The following CSMD1 variants were observed in gnomAD, a reference collection of about 807,000 sequenced individuals.
The protein encoded by CSMD1 is CUB and sushi domain-containing protein 1.
A neutral mutation model predicts 417.5 loss-of-function variants in CSMD1; 213 were observed. The ratio of observed to expected loss-of-function variants is 0.51; its 90% CI spans 0.46 to 0.57. The LOEUF (loss-of-function observed/expected upper bound fraction) is 0.57, where lower values mean the gene tolerates loss of function less well. Ranked by LOEUF, CSMD1 falls within the 20% of genes least tolerant of loss-of-function variation. CSMD1 has a pLI of 0.00. For synonymous variants in CSMD1, 2,862 were observed against 1,736.8 expected (o/e 1.65, Z -16.11); for missense variants, 6,923 against 4,529.7 (o/e 1.53, Z -15.17).
chr8:4,602,409 G>A (rs556581389), intron 2 of CSMD1, among the ~76,000 whole-genome samples: 66 of 152,208 alleles, frequency 4.3e-4, no homozygotes, highest in African/African-American at 1.4e-3. Flanking sequence ...TCCAAGATAC[G>A]GAACACAGGA....
intron 3 of CSMD1, among the ~76,000 whole-genome samples, chr8:4,142,342 G>A (rs1383220573): frequency 6.6e-6 from 1 of 151,094 alleles, no homozygotes; most frequent in Non-Finnish European, 1.5e-5. Flanking sequence ...TACTCTACGA[G>A]GTTATGATAT....
At chr8:3,697,092 G>A (rs1023038363) in intron 7 of CSMD1, among the ~76,000 whole-genome samples, 5 of 152,110 alleles carry the variant, frequency 3.3e-5, no homozygotes, top group African/African-American at 9.7e-5. Flanking sequence ...ATAACTGCAG[G>A]CCCAATATTG....
In CSMD1 at chr8:3,406,120, C is replaced by G. The variant is rs750101157; in HGVS notation, c.2173G>C (p.Asp725His). The G allele has an allele frequency of 2.5e-6, 4 of 1,613,926 alleles. No homozygotes were observed. Among genetic ancestry groups the G allele is most frequent in the Admixed American group, 3.3e-5 (2 of 60,012 alleles). ...GATCCCTGGGTCTTGACAAAGCCATCATCACAGTGGAAAGAAACCGAGCTC... is the reference window on the plus strand; with the variant it reads ...GATCCCTGGGTCTTGACAAAGCCATGATCACAGTGGAAAGAAACCGAGCTC... ...LGSSVSFHCD[D>H]GFVKTQGSES... The change falls in exon 15 of 70, where the codon GAT becomes CAT. Residue 725 changes from aspartate to histidine, a missense_variant. By Grantham distance (81) the Asp-to-His change is moderately conservative. Coordinates refer to ENST00000635120, the MANE Select transcript of CSMD1 (RefSeq NM_033225.6).
At chr8:3,958,970 G>C (rs1812146773) in intron 5 of CSMD1, among the ~76,000 whole-genome samples, 4 of 152,190 alleles carry the variant, frequency 2.6e-5, no homozygotes, top group Non-Finnish European at 2.9e-5. Flanking sequence ...GGATCTGTGA[G>C]CTCCCGGTCT....
At chr8:4,323,255 C>G (rs1280283521) in intron 3 of CSMD1, among the ~76,000 whole-genome samples, 3 of 152,078 alleles carry the variant, frequency 2.0e-5, no homozygotes, top group African/African-American at 7.2e-5. Flanking sequence ...AGCAATTTTG[C>G]TTAAACGGAA....
chr8:4,086,690 G>A (rs770755266), intron 3 of CSMD1, among the ~76,000 whole-genome samples: 5 of 152,186 alleles, frequency 3.3e-5, no homozygotes, highest in Admixed American at 6.5e-5. Context: ...TAAGCAACCT[G>A]AACTTCTTCA....
chr8:4,620,767 A>G (rs1422429449), intron 2 of CSMD1, among the ~76,000 whole-genome samples: 1 of 151,912 alleles, frequency 6.6e-6, no homozygotes, highest in Non-Finnish European at 1.5e-5. Flanking sequence ...GGAGGGAAAC[A>G]TAGCATTAAC....
At chr8:3,721,412 C>G (rs561253647) in intron 6 of CSMD1, among the ~76,000 whole-genome samples, 1 of 152,210 alleles carries the variant, frequency 6.6e-6, no homozygotes, top group African/African-American at 2.4e-5. Flanking sequence ...TCCCATGTTT[C>G]TGATTCCTCA....
intron 1 of CSMD1, among the ~76,000 whole-genome samples, chr8:4,972,270 T>C (rs13280780): frequency 1.3e-5 from 2 of 151,588 alleles, no homozygotes; most frequent in African/African-American, 4.8e-5. Context: ...GATATTGTTT[T>C]GCTCTGTCAC....
chr8:4,047,199 G>A (rs571892759), intron 3 of CSMD1, among the ~76,000 whole-genome samples: 1 of 152,130 alleles, frequency 6.6e-6, no homozygotes, highest in South Asian at 2.1e-4. Context: ...ATGCTCTGTA[G>A]TAACTCATGT....
chr8:3,830,671 G>C (rs1457315370), intron 5 of CSMD1, among the ~76,000 whole-genome samples: 1 of 152,066 alleles, frequency 6.6e-6, no homozygotes, highest in East Asian at 1.9e-4. Flanking sequence ...TTCACACTCA[G>C]AAAACAGAGA....
At chr8:3,357,926 A>G (rs1306331168) in intron 21 of CSMD1, among the ~76,000 whole-genome samples, 1 of 152,066 alleles carries the variant, frequency 6.6e-6, no homozygotes, top group Non-Finnish European at 1.5e-5. Context: ...ATTCATGTTT[A>G]TTTGTTTAAT....
At chr8:4,156,208 A>C (rs1796825567) in intron 3 of CSMD1, among the ~76,000 whole-genome samples, 1 of 152,194 alleles carries the variant, frequency 6.6e-6, no homozygotes, top group African/African-American at 2.4e-5. Context: ...GACTGGGATC[A>C]CTGTGATATC....
intron 3 of CSMD1, among the ~76,000 whole-genome samples, chr8:4,140,085 A>G (rs76811160): frequency 0.3 from 45,024 of 150,396 alleles, 8,403 homozygotes; most frequent in Non-Finnish European, 0.39. Context: ...AGGTACAGTT[A>G]CTCATGCCTA....
At chr8:4,604,025 G>C (rs1373728652) in intron 2 of CSMD1, among the ~76,000 whole-genome samples, 2 of 152,038 alleles carry the variant, frequency 1.3e-5, no homozygotes, top group South Asian at 4.1e-4. Flanking sequence ...ATAGAAACTG[G>C]AAAGATATGT....
chr8:3,839,310 T>C (rs1262650342), intron 5 of CSMD1, among the ~76,000 whole-genome samples: 1 of 122,834 alleles, frequency 8.1e-6, no homozygotes, highest in Non-Finnish European at 1.6e-5. Context: ...TTATATATAC[T>C]ATTAATATAT....
chr8:3,601,154 C>G (rs1011424098), intron 8 of CSMD1, among the ~76,000 whole-genome samples: 5 of 152,204 alleles, frequency 3.3e-5, no homozygotes, highest in African/African-American at 1.2e-4. Context: ...CTTCTGAGAT[C>G]TACCAGTGCT....
At chr8:4,848,071 G>A (rs1385817679) in intron 1 of CSMD1, among the ~76,000 whole-genome samples, 1 of 152,154 alleles carries the variant, frequency 6.6e-6, no homozygotes, top group Non-Finnish European at 1.5e-5. Context: ...TGGAGTCATA[G>A]ACATGCTGTA....
chr8:3,647,280 G>A (rs948021451), intron 7 of CSMD1, among the ~76,000 whole-genome samples: 2 of 152,186 alleles, frequency 1.3e-5, no homozygotes, highest in African/African-American at 4.8e-5. Context: ...CAGGGTGGCA[G>A]AACCACCCAA....
Sources: gnomAD v4.1 joint callset for allele counts (sites outside exome capture counted in the v4.1 genomes callset) on GRCh38, gnomAD v4.1.1 for gene constraint, MANE v1.5 for transcripts, NCBI Gene and HGNC (gene_info 2026-07-23, HGNC 2026-07-21) for gene names.